The following DCC variants were observed in gnomAD, a reference collection of about 807,000 sequenced individuals.
DCC encodes the protein netrin receptor DCC.
DCC carries 58 observed loss-of-function variants against 172.5 expected under a neutral mutation model. The observed-to-expected ratio is 0.34, with a 90% CI of 0.27 to 0.42. The LOEUF (loss-of-function observed/expected upper bound fraction) is 0.42. Among genes scored for constraint, DCC ranks in the 10% least tolerant of loss-of-function variants. DCC has a pLI of 1.00. For synonymous variants in DCC, 709 were observed against 644.5 expected (o/e 1.10, Z -1.52); for missense variants, 1,740 against 1,791.0 (o/e 0.97, Z 0.51).
At chr18:52,586,498 G>T (rs2033677618) in intron 1 of DCC, among the ~76,000 whole-genome samples, 1 of 152,122 alleles carries the variant, frequency 6.6e-6, no homozygotes, top group Admixed American at 6.5e-5. Context: ...AGCCCAAAGT[G>T]TCCAGGTGGC....
intron 5 of DCC, among the ~76,000 whole-genome samples, chr18:53,023,675 T>G (rs534888859): frequency 6.6e-6 from 1 of 152,266 alleles, no homozygotes; most frequent in South Asian, 2.1e-4. Flanking sequence ...TTTCAGCAAC[T>G]TGTTTGTCCT....
intron 5 of DCC, among the ~76,000 whole-genome samples, chr18:52,954,076 C>T (rs1272807503): frequency 6.6e-6 from 1 of 152,158 alleles, no homozygotes; most frequent in Non-Finnish European, 1.5e-5. Context: ...TTCACATCAC[C>T]TCCATTTATA....
At chr18:52,935,911 T>C (rs992445474) in intron 5 of DCC, among the ~76,000 whole-genome samples, 6 of 152,164 alleles carry the variant, frequency 3.9e-5, no homozygotes, top group African/African-American at 1.4e-4. Flanking sequence ...ATTTTACATA[T>C]ATCTGTAATT....
intron 7 of DCC, among the ~76,000 whole-genome samples, chr18:53,074,778 T>C (rs2144116918): frequency 6.6e-6 from 1 of 152,260 alleles, no homozygotes; most frequent in South Asian, 2.1e-4. Context: ...TGTGTCCACA[T>C]CTCATTTCTA....
At chr18:53,263,564 T>C (rs897043155) in intron 12 of DCC, among the ~76,000 whole-genome samples, 9 of 152,156 alleles carry the variant, frequency 5.9e-5, no homozygotes, top group Admixed American at 5.9e-4. Flanking sequence ...GAAGTAGTTA[T>C]TATAATGGAA....
At chr18:52,541,856 G>A (rs1221550267) in intron 1 of DCC, among the ~76,000 whole-genome samples, 1 of 89,862 alleles carries the variant, frequency 1.1e-5, no homozygotes. Flanking sequence ...TGGCTTAAAA[G>A]TATATGATGT....
At chr18:53,320,165 C>T (rs577539556) in intron 13 of DCC, among the ~76,000 whole-genome samples, 5 of 150,854 alleles carry the variant, frequency 3.3e-5, no homozygotes, top group African/African-American at 4.9e-5. Flanking sequence ...CTCTGCCTCC[C>T]GGGTCCATGC....
At chr18:52,375,843 C>T (rs1402567649) in intron 1 of DCC, among the ~76,000 whole-genome samples, 1 of 152,180 alleles carries the variant, frequency 6.6e-6, no homozygotes, top group African/African-American at 2.4e-5. Context: ...AGTACCAGGT[C>T]AGATCCTGAC....
chr18:53,080,780 G>C (rs2042788187), intron 7 of DCC, among the ~76,000 whole-genome samples: 1 of 152,060 alleles, frequency 6.6e-6, no homozygotes, highest in East Asian at 1.9e-4. Context: ...AATTGAAAAG[G>C]AGCTTTTGAT....
intron 2 of DCC, among the ~76,000 whole-genome samples, chr18:52,820,084 T>C (rs1191479830): frequency 1.3e-5 from 2 of 152,178 alleles, no homozygotes; most frequent in Admixed American, 1.3e-4. Flanking sequence ...GTAAATAATT[T>C]CCTGTGGACA....
At chr18:53,051,580 C>A (rs2042334608) in intron 5 of DCC, among the ~76,000 whole-genome samples, 1 of 152,090 alleles carries the variant, frequency 6.6e-6, no homozygotes, top group African/African-American at 2.4e-5. Context: ...ATTTCCTGAG[C>A]ACTTTTCATA....
chr18:53,317,416 A>G lies in DCC; in HGVS notation c.2054-4631A>G, dbSNP rs186731581. ...ATTGAGGATTTTCACATTGATGTTC[A>G]TCAGGGATATCGGCTTGAAATTTAC... On this transcript the variant is annotated intron_variant, in intron 13 of 28. Transcript: ENST00000442544. 1.6e-4 allele frequency among the ~76,000 whole-genome samples: 24 copies of G among 152,284 alleles called. No homozygotes were observed. In the East Asian group the frequency reaches 3.7e-3, roughly 23 times the overall value.
At chr18:53,073,940 CCTA>C (rs767448699) in intron 7 of DCC, among the ~76,000 whole-genome samples, 22 of 151,352 alleles carry the variant, frequency 1.5e-4, no homozygotes, top group Non-Finnish European at 2.8e-4. Flanking sequence ...TATAGTGTTT[CCTA>C]CTACATGTTG....
chr18:53,243,625 A>G (rs1420413874), intron 12 of DCC, among the ~76,000 whole-genome samples: 3 of 152,144 alleles, frequency 2.0e-5, no homozygotes, highest in South Asian at 2.1e-4. Context: ...TTGCTGGCAG[A>G]TTATGTGGTT....
At chr18:52,678,990 G>A (rs1411098678) in intron 1 of DCC, among the ~76,000 whole-genome samples, 1 of 151,880 alleles carries the variant, frequency 6.6e-6, no homozygotes, top group East Asian at 1.9e-4. Flanking sequence ...CTGCTTGATT[G>A]CATTCTCTTT....
intron 1 of DCC, among the ~76,000 whole-genome samples, chr18:52,383,821 G>A (rs901964617): frequency 4.0e-5 from 6 of 151,654 alleles, no homozygotes; most frequent in East Asian, 1.9e-4. Context: ...ATCAGTCAAC[G>A]GGCTTCTATA....
intron 2 of DCC, among the ~76,000 whole-genome samples, chr18:52,868,340 CA>C (rs1568157213): frequency 6.6e-6 from 1 of 151,972 alleles, no homozygotes; most frequent in East Asian, 1.9e-4. Flanking sequence ...ATTTTTCCCC[CA>C]AAAAATTACT....
At chr18:52,527,370 A>G (rs1145270) in intron 1 of DCC, among the ~76,000 whole-genome samples, 2 of 152,096 alleles carry the variant, frequency 1.3e-5, no homozygotes, top group African/African-American at 2.4e-5. Context: ...TTCTTTTGCT[A>G]TAATAAATGC....
intron 1 of DCC, among the ~76,000 whole-genome samples, chr18:52,533,199 A>G (rs2032199888): frequency 6.6e-6 from 1 of 152,116 alleles, no homozygotes; most frequent in Admixed American, 6.6e-5. Flanking sequence ...CAGGATATCG[A>G]CATTTGATAC....
Sources: allele counts gnomAD v4.1 joint callset (sites outside exome capture counted in the v4.1 genomes callset), GRCh38; gene constraint gnomAD v4.1.1; transcripts MANE v1.5; gene names NCBI Gene and HGNC (gene_info 2026-07-23, HGNC 2026-07-21).